Variants in MARCHF1 observed in about 807,000 individuals in gnomAD.
The protein encoded by MARCHF1 is E3 ubiquitin-protein ligase MARCHF1.
Under a neutral mutation model 54.2 loss-of-function variants are expected in MARCHF1, and 40 were observed. The observed-to-expected ratio is 0.74, with a 90% CI of 0.57 to 0.96. The LOEUF (loss-of-function observed/expected upper bound fraction) is 0.96, where lower values mean the gene tolerates loss of function less well. Among genes scored for constraint, MARCHF1 ranks in the 40% least tolerant of loss-of-function variants. The pLI, the probability that MARCHF1 is intolerant of heterozygous loss-of-function variation, is 0.00. For missense variants in MARCHF1, 586 were observed against 656.5 expected (o/e 0.89, Z 1.17); for synonymous variants, 236 against 236.3 (o/e 1.00, Z 0.01).
At chr4:164,244,508 A>G (rs1579654631) in intron 1 of MARCHF1, among the ~76,000 whole-genome samples, 1 of 143,584 alleles carries the variant, frequency 7.0e-6, no homozygotes, top group Non-Finnish European at 1.6e-5. Flanking sequence ...GAAAGCAGGA[A>G]AGATCCAAAA....
intron 3 of MARCHF1, among the ~76,000 whole-genome samples, chr4:163,980,715 C>T (rs570024766): frequency 6.6e-6 from 1 of 152,166 alleles, no homozygotes; most frequent in African/African-American, 2.4e-5. Flanking sequence ...GCTAAATGAA[C>T]TGTAGTAGTA....
chr4:164,066,095 T>C (rs929872778), intron 2 of MARCHF1, among the ~76,000 whole-genome samples: 5 of 152,196 alleles, frequency 3.3e-5, no homozygotes, highest in African/African-American at 9.7e-5. Context: ...ACCAGTCAAG[T>C]TGACACCTAA....
chr4:163,607,405 G>C (rs933214285), intron 7 of MARCHF1, among the ~76,000 whole-genome samples: 1 of 152,034 alleles, frequency 6.6e-6, no homozygotes, highest in African/African-American at 2.4e-5. Context: ...AATATGGAAG[G>C]AATAAGATCA....
intron 1 of MARCHF1, among the ~76,000 whole-genome samples, chr4:164,146,451 C>A (rs886852909): frequency 1.3e-5 from 2 of 152,146 alleles, no homozygotes; most frequent in African/African-American, 4.8e-5. Context: ...ACCAAAACAG[C>A]ATGGTACTGG....
At chr4:164,245,256 C>T (rs573377153) in intron 1 of MARCHF1, among the ~76,000 whole-genome samples, 1 of 152,272 alleles carries the variant, frequency 6.6e-6, no homozygotes, top group East Asian at 1.9e-4. Context: ...AAAGCTTATC[C>T]ACCATGATCA....
intron 4 of MARCHF1, among the ~76,000 whole-genome samples, chr4:163,808,581 T>C (rs926197546): frequency 6.6e-6 from 1 of 152,292 alleles, no homozygotes; most frequent in South Asian, 2.1e-4. Context: ...TTTTATTTTA[T>C]TTTTTGAGAC....
chr4:164,185,681 C>T (rs994738380), intron 1 of MARCHF1, among the ~76,000 whole-genome samples: 1 of 151,786 alleles, frequency 6.6e-6, no homozygotes, highest in Non-Finnish European at 1.5e-5. Flanking sequence ...CTTTTTTTCC[C>T]ATTGAGATAA....
In MARCHF1 at chr4:164,189,779, A is replaced by G. The variant is rs1375216939; in HGVS notation, c.-322-78117T>C. Reference sequence around the variant, plus strand: ...TCATAATCAAGGTCTATGAGGATGAATGACCCCTGACAAAAGACATTCATC... The same window carrying G: ...TCATAATCAAGGTCTATGAGGATGAGTGACCCCTGACAAAAGACATTCATC... On this transcript the variant is annotated intron_variant, in intron 1 of 9. Transcript: ENST00000514618. 2.7e-6 allele frequency: 4 copies of G among 1,480,722 alleles called. No individual in the cohort carries two copies. In the African/African-American group the frequency reaches 4.1e-5, roughly 15 times the overall value. The allele number at this position is 1,480,722 out of a possible 1,614,324, so 91.7% of individuals were successfully genotyped here.
In MARCHF1 at chr4:163,527,651, A is replaced by AGAAT. The variant is rs1391782185; in HGVS notation, c.*1093_*1096dup. 6 of 152,156 alleles carry AGAAT rather than the reference A, an allele frequency of 3.9e-5. No individual in the cohort carries two copies. The highest frequency in any genetic ancestry group is 6.8e-3 in the Middle Eastern group (2 of 294). The allele number at this position is 152,156 out of a possible 1,614,324, so 9.4% of individuals were successfully genotyped here. A position where few individuals can be genotyped will look rare whatever the true frequency, so the allele number is the denominator to read the frequency against. On this transcript the variant is annotated 3_prime_UTR_variant, in exon 10 of 10. Transcript: ENST00000514618. ...CTAACTTTTGTGACTTTGAAATAAA[A>AGAAT]GAATGAATTAAACTGTTTTGAAATA...
chr4:163,682,169 A>G (rs1440831970), intron 5 of MARCHF1, among the ~76,000 whole-genome samples: 1 of 152,178 alleles, frequency 6.6e-6, no homozygotes, highest in East Asian at 1.9e-4. Flanking sequence ...CCCTTGCCCT[A>G]GAGATAGTGA....
intron 1 of MARCHF1, among the ~76,000 whole-genome samples, chr4:164,115,428 TG>T (rs2110747940): frequency 6.6e-6 from 1 of 152,210 alleles, no homozygotes; most frequent in East Asian, 1.9e-4. Flanking sequence ...GCAAGGCAAA[TG>T]TGTTCAGAAG....
chr4:163,530,577 T>C (rs903311658), intron 9 of MARCHF1: 1 of 151,976 alleles, frequency 6.6e-6, no homozygotes, highest in Non-Finnish European at 1.5e-5. Flanking sequence ...TTCTCTGATC[T>C]TAAAAGGGAT....
rs192701697 is a variant in MARCHF1, at chr4:164,334,124, C to A, written c.-323+49746G>T. 2.0e-3 allele frequency among the ~76,000 whole-genome samples: 308 copies of A among 152,248 alleles called. 2 individuals carry two copies. Among genetic ancestry groups the A allele is most frequent in the African/African-American group, 7.1e-3 (296 of 41,538 alleles). On this transcript the variant is annotated intron_variant, in intron 1 of 9. Transcript: ENST00000514618. ...GGCATAAAAGTGCAAGGTGAAGCAC[C>A]AAGTACTGATATGGAAGCTGCAGCA...
chr4:163,580,062 A>ATTATTTATTTATTTATTTAT lies in MARCHF1; in HGVS notation c.1191+5667_1191+5686dup, dbSNP rs3085769. ...AATTGTCTTTTGTAGAGCCTTATTT[A>ATTATTTATTTATTTATTTAT]TTATTTATTTATTTATTTATTTATT... is the stretch of plus-strand genomic sequence containing the variant. On this transcript the variant is annotated intron_variant, in intron 8 of 9. Coordinates refer to ENST00000514618, the MANE Select transcript of MARCHF1 (RefSeq NM_001394959.1). Among the ~76,000 whole-genome samples, 1,209 of 144,270 alleles carry ATTATTTATTTATTTATTTAT rather than the reference A, an allele frequency of 8.4e-3. 11 individuals carry two copies. The highest frequency in any genetic ancestry group is 0.01 in the Non-Finnish European group (664 of 66,170). 94.6% of individuals were successfully genotyped at this position (144,270 alleles called of 152,430 possible).
chr4:164,279,010 C>T (rs1368214218), intron 1 of MARCHF1, among the ~76,000 whole-genome samples: 2 of 151,740 alleles, frequency 1.3e-5, no homozygotes, highest in Admixed American at 1.3e-4. Flanking sequence ...GTTTTTGTCA[C>T]TATAGACCAG....
At chr4:163,580,803 T>TC (rs1450859957) in intron 8 of MARCHF1, among the ~76,000 whole-genome samples, 1 of 51,476 alleles carries the variant, frequency 1.9e-5, no homozygotes, top group Non-Finnish European at 4.1e-5. Context: ...TTAAAGTTTT[T>TC]TTTTTTTTTT....
chr4:164,266,836 T>C (rs1733623332), intron 1 of MARCHF1, among the ~76,000 whole-genome samples: 1 of 152,146 alleles, frequency 6.6e-6, no homozygotes, highest in Non-Finnish European at 1.5e-5. Context: ...ATAGAACCAG[T>C]CACTAAATTT....
intron 1 of MARCHF1, among the ~76,000 whole-genome samples, chr4:164,284,319 TGAGAGAGAGAGAGACAGAGAGA>T (rs1734092895): frequency 7.9e-6 from 1 of 126,072 alleles, no homozygotes; most frequent in African/African-American, 3.4e-5. Context: ...CTAAAGAAAG[TGAGAGAGAGAGAGACAGAGAGA>T]GAGAGAGAGA....
chr4:164,207,864 T>C (rs1318021549), intron 1 of MARCHF1, among the ~76,000 whole-genome samples: 1 of 152,098 alleles, frequency 6.6e-6, no homozygotes, highest in African/African-American at 2.4e-5. Context: ...AAATAACTAA[T>C]GGATACTAGG....
Sources: allele counts gnomAD v4.1 joint callset (sites outside exome capture counted in the v4.1 genomes callset), GRCh38; gene constraint gnomAD v4.1.1; transcripts MANE v1.5; gene names NCBI Gene and HGNC (gene_info 2026-07-23, HGNC 2026-07-21).